SH3RF1: variants seen among roughly 807,000 people sequenced by gnomAD.
SH3RF1 encodes the protein E3 ubiquitin-protein ligase SH3RF1.
Under a neutral mutation model 74.0 loss-of-function variants are expected in SH3RF1, and 32 were observed. The ratio of observed to expected loss-of-function variants is 0.43; its 90% CI spans 0.33 to 0.58. The LOEUF (loss-of-function observed/expected upper bound fraction) is 0.58, where lower values mean the gene tolerates loss of function less well. SH3RF1 is among the 20% of genes least tolerant of loss of function. SH3RF1 has a pLI of 0.05. For missense variants in SH3RF1, 954 were observed against 1,130.9 expected (o/e 0.84, Z 2.24); for synonymous variants, 396 against 439.6 (o/e 0.90, Z 1.24).
chr4:169,113,755 T>A (rs1244297891), intron 10 of SH3RF1, among the ~76,000 whole-genome samples: 1 of 152,126 alleles, frequency 6.6e-6, no homozygotes, highest in Non-Finnish European at 1.5e-5. Context: ...CAACCAGAAG[T>A]CTCTTTAGTG....
At chr4:169,240,505 A>G (rs72708550) in intron 2 of SH3RF1, among the ~76,000 whole-genome samples, 6,803 of 152,182 alleles carry the variant, frequency 0.045, 239 homozygotes, top group South Asian at 0.19. Flanking sequence ...GGCCCCCTTC[A>G]CTTAATTATT....
intron 2 of SH3RF1, among the ~76,000 whole-genome samples, chr4:169,168,841 T>C (rs1228671964): frequency 6.6e-6 from 1 of 152,224 alleles, no homozygotes; most frequent in Non-Finnish European, 1.5e-5. Context: ...TTTTGTCCTT[T>C]GTTTCTTAGG....
chr4:169,192,815 A>T (rs188766223), intron 2 of SH3RF1, among the ~76,000 whole-genome samples: 1 of 148,300 alleles, frequency 6.7e-6, no homozygotes, highest in Non-Finnish European at 1.5e-5. Flanking sequence ...TATGATATAT[A>T]TGTGATATAT....
At position 169,096,520 on chromosome 4, in the gene SH3RF1, C is replaced by T; in HGVS notation, c.2666G>A (p.Ter889=). The T allele has an allele frequency of 1.9e-6, 3 of 1,613,468 alleles. No homozygotes were observed. Among genetic ancestry groups the T allele is most frequent in the Non-Finnish European group, 2.5e-6 (3 of 1,179,760 alleles). Residue 889 remains the stop codon, a stop_retained_variant, in exon 12 of 12, where the codon TGA becomes TAA. Coordinates refer to ENST00000284637, the MANE Select transcript of SH3RF1 (RefSeq NM_020870.4). ...TAAGCTTCTTCAGTGTCAGTCTCCTCATATGTTTTCCACAAAGCTTCCTGG... is the reference window on the plus strand; with the variant it reads ...TAAGCTTCTTCAGTGTCAGTCTCCTTATATGTTTTCCACAAAGCTTCCTGG... ...LFPGSFVENI[*]
chr4:169,217,582 C>T (rs565948698), intron 2 of SH3RF1: 38 of 152,268 alleles, frequency 2.5e-4, no homozygotes, highest in African/African-American at 9.2e-4. Context: ...GAAAGGTGTA[C>T]AAGACAAGTT....
chr4:169,145,857 TATAAA>T (rs1282384613), intron 4 of SH3RF1, among the ~76,000 whole-genome samples: 1 of 118,156 alleles, frequency 8.5e-6, no homozygotes, highest in Non-Finnish European at 1.8e-5. Flanking sequence ...TATTATTCTA[TATAAA>T]ATATGTATTC....
intron 2 of SH3RF1, among the ~76,000 whole-genome samples, chr4:169,158,743 G>A (rs1040719525): frequency 6.6e-6 from 1 of 152,112 alleles, no homozygotes; most frequent in African/African-American, 2.4e-5. Flanking sequence ...TCTGCCCCCC[G>A]ACCTGTAAAA....
At chr4:169,105,718 C>A (rs1579084159) in intron 11 of SH3RF1, among the ~76,000 whole-genome samples, 1 of 152,120 alleles carries the variant, frequency 6.6e-6, no homozygotes, top group East Asian at 1.9e-4. Context: ...ACATGGGAGA[C>A]CCCGTCTTTA....
In SH3RF1 at chr4:169,143,373, G is replaced by A. The variant is rs77109398; in HGVS notation, c.766-6753C>T. Among the ~76,000 whole-genome samples, 601 of 152,202 alleles carry A rather than the reference G, an allele frequency of 3.9e-3. 5 individuals carry two copies. The highest frequency in any genetic ancestry group is 0.014 in the African/African-American group (580 of 41,520). On this transcript the variant is annotated intron_variant, in intron 4 of 11. Transcript: ENST00000284637. The stretch of plus-strand genomic sequence containing the variant: ...GTACTATGTCTTTGAAACCCGGTGC[G>A]AACGGAGTGCTTCCATCCCACTCAG...
At chr4:169,197,454 C>T (rs147029784) in intron 2 of SH3RF1, among the ~76,000 whole-genome samples, 7,925 of 151,890 alleles carry the variant, frequency 0.052, 696 homozygotes, top group African/African-American at 0.18. Context: ...TGTGAAACCC[C>T]GTCTCTACTA....
chr4:169,160,941 GC>G (rs1230619913), intron 2 of SH3RF1, among the ~76,000 whole-genome samples: 6 of 152,332 alleles, frequency 3.9e-5, no homozygotes, highest in African/African-American at 1.4e-4. Flanking sequence ...TGGAGGCACT[GC>G]CCTCTCATTC....
At chr4:169,167,024 A>G in intron 2 of SH3RF1, 1 of 212,172 alleles carries the variant, frequency 4.7e-6, no homozygotes, top group Non-Finnish European at 9.3e-6. Flanking sequence ...CTCAAATTTT[A>G]ACAAAAATCA....
At chr4:169,125,349 C>A (rs1464297118) in intron 6 of SH3RF1, among the ~76,000 whole-genome samples, 1 of 152,188 alleles carries the variant, frequency 6.6e-6, no homozygotes, top group Non-Finnish European at 1.5e-5. Flanking sequence ...ATGCTAGTGA[C>A]ACTGTGAGTG....
At chr4:169,236,794 T>C (rs1287070858) in intron 2 of SH3RF1, among the ~76,000 whole-genome samples, 1 of 152,190 alleles carries the variant, frequency 6.6e-6, no homozygotes, top group African/African-American at 2.4e-5. Context: ...TCTATATTAT[T>C]ATTCCCATAA....
intron 2 of SH3RF1, among the ~76,000 whole-genome samples, chr4:169,200,505 AAAG>A (rs1734891325): frequency 6.6e-6 from 1 of 152,212 alleles, no homozygotes; most frequent in Non-Finnish European, 1.5e-5. Flanking sequence ...ACTTCAGAAA[AAAG>A]AAGTATTTAC....
At position 169,124,860 on chromosome 4, in the gene SH3RF1, C is replaced by T. The variant is rs571201801; in HGVS notation, c.1180-2594G>A. ...GTGCTTCAGGCAGTTTGCTGTCCTG[C>T]AAGACCTGAAATTTCCACAGAGTAA... is the stretch of plus-strand genomic sequence containing the variant. On this transcript the variant is annotated intron_variant, in intron 6 of 11. Coordinates refer to ENST00000284637, the MANE Select transcript of SH3RF1 (RefSeq NM_020870.4). Among the ~76,000 whole-genome samples the T allele has an allele frequency of 2.0e-5, 3 of 152,184 alleles. No homozygotes were observed. In the South Asian group the frequency reaches 6.2e-4, roughly 32 times the overall value.
chr4:169,137,463 C>A (rs1265809086), intron 4 of SH3RF1, among the ~76,000 whole-genome samples: 1 of 152,110 alleles, frequency 6.6e-6, no homozygotes, highest in Non-Finnish European at 1.5e-5. Flanking sequence ...CAATAAGCTG[C>A]ATATAACTTT....
intron 2 of SH3RF1, among the ~76,000 whole-genome samples, chr4:169,213,304 C>T (rs1730410357): frequency 6.6e-6 from 1 of 152,128 alleles, no homozygotes; most frequent in African/African-American, 2.4e-5. Context: ...TTTCATATGC[C>T]ATATGTATAT....
At chr4:169,215,336 T>C (rs571441519) in intron 2 of SH3RF1, among the ~76,000 whole-genome samples, 5 of 152,376 alleles carry the variant, frequency 3.3e-5, no homozygotes, top group African/African-American at 1.2e-4. Flanking sequence ...CTTTTATACA[T>C]TGTTGCATTT....
Sources: gnomAD v4.1 joint callset for allele counts (sites outside exome capture counted in the v4.1 genomes callset) on GRCh38, gnomAD v4.1.1 for gene constraint, MANE v1.5 for transcripts, NCBI Gene and HGNC (gene_info 2026-07-23, HGNC 2026-07-21) for gene names.